The following ACTR3 variants were observed in gnomAD, a reference collection of about 807,000 sequenced individuals.
ACTR3 encodes actin-related protein 3.
A neutral mutation model predicts 56.8 loss-of-function variants in ACTR3; 12 were observed. The ratio of observed to expected loss-of-function variants is 0.21; its 90% CI spans 0.14 to 0.34. The LOEUF (loss-of-function observed/expected upper bound fraction) is 0.34. ACTR3 is among the 10% of genes least tolerant of loss of function. The pLI is 1.00. For missense variants in ACTR3, 282 were observed against 512.5 expected (o/e 0.55, Z 4.34); for synonymous variants, 162 against 167.4 (o/e 0.97, Z 0.25).
At chr2:113,892,930 A>T (rs781686788) in intron 1 of ACTR3, among the ~76,000 whole-genome samples, 9 of 152,254 alleles carry the variant, frequency 5.9e-5, no homozygotes, top group Non-Finnish European at 1.3e-4. Flanking sequence ...GGGATCGTCC[A>T]GCAAAACTCA....
At chr2:113,907,348 C>T (rs750391804) in intron 1 of ACTR3, among the ~76,000 whole-genome samples, 1 of 152,144 alleles carries the variant, frequency 6.6e-6, no homozygotes, top group Non-Finnish European at 1.5e-5. Context: ...ATAGCTCCTC[C>T]ATGGCTCAAG....
chr2:113,903,015 CT>C (rs766018087), intron 1 of ACTR3, among the ~76,000 whole-genome samples: 77 of 152,314 alleles, frequency 5.1e-4, no homozygotes, highest in Non-Finnish European at 8.5e-4. Flanking sequence ...TTAAGATCGC[CT>C]TTAGGCAAAT....
At chr2:113,917,412 C>CT (rs958702179) in intron 3 of ACTR3, among the ~76,000 whole-genome samples, 50 of 151,894 alleles carry the variant, frequency 3.3e-4, no homozygotes, top group African/African-American at 1.2e-3. Flanking sequence ...TTCTTTTTCC[C>CT]TTTTTCTTTT....
At chr2:113,897,192 A>T (rs1679022869) in intron 1 of ACTR3, among the ~76,000 whole-genome samples, 1 of 152,198 alleles carries the variant, frequency 6.6e-6, no homozygotes, top group South Asian at 2.1e-4. Flanking sequence ...ATTATTAGAT[A>T]GGAGATAAGG....
chr2:113,925,617 G>A (rs1387485425), intron 3 of ACTR3, among the ~76,000 whole-genome samples: 2 of 152,224 alleles, frequency 1.3e-5, no homozygotes, highest in Non-Finnish European at 2.9e-5. Flanking sequence ...GTGGCTTACA[G>A]TAGGTACACA....
rs544684121 is a variant in ACTR3, at chr2:113,951,728, C to T, written c.960C>T (p.Val320=). Residue 320 remains valine (V), a synonymous_variant, in exon 10 of 12, where the codon GTC becomes GTT. Coordinates refer to ENST00000263238, the MANE Select transcript of ACTR3 (RefSeq NM_005721.5). ...DVRRPLYKNI[V]LSGGSTMFRD... ...TATTTTCTCTCCACTAGAATATTGT[C>T]CTCTCTGGAGGTTCAACCATGTTCA... is the stretch of plus-strand genomic sequence containing the variant. The T allele has an allele frequency of 1.3e-5, 21 of 1,606,944 alleles. No homozygotes were observed. Among genetic ancestry groups the T allele is most frequent in the South Asian group, 2.2e-5 (2 of 90,054 alleles).
chr2:113,932,589 G>A lies in ACTR3; in HGVS notation c.432+1193G>A, dbSNP rs534766440. Among the ~76,000 whole-genome samples the A allele has an allele frequency of 3.3e-5, 5 of 152,130 alleles. No homozygotes were observed. The South Asian group carries it at 1.0e-3, about 32-fold the overall frequency. On this transcript the variant is annotated intron_variant, in intron 5 of 11. Transcript: ENST00000263238. ...TGTTCTGTTTTGTTGATGTTCAGTA[G>A]TCAATAACATTTCTGTAACATGATG...
intron 1 of ACTR3, among the ~76,000 whole-genome samples, chr2:113,892,875 G>C (rs1037829218): frequency 6.6e-6 from 1 of 152,152 alleles, no homozygotes; most frequent in Non-Finnish European, 1.5e-5. Flanking sequence ...AGATAGGAAA[G>C]CTGTTAAGAG....
intron 1 of ACTR3, 72 bp from the exon 2 acceptor site, chr2:113,913,100 T>G: frequency 1.9e-6 from 2 of 1,049,288 alleles, no homozygotes; most frequent in Non-Finnish European, 1.4e-6. Flanking sequence ...TCATAACAAA[T>G]GAAATTCTAA....
chr2:113,911,883 C>T (rs1012722466), intron 1 of ACTR3, among the ~76,000 whole-genome samples: 13 of 151,534 alleles, frequency 8.6e-5, no homozygotes, highest in Admixed American at 8.5e-4. Context: ...ATTACAGGTG[C>T]CCACCACCAT....
chr2:113,944,584 TAAAAA>T (rs34378884), intron 8 of ACTR3, among the ~76,000 whole-genome samples: 1 of 57,992 alleles, frequency 1.7e-5, no homozygotes, highest in Non-Finnish European at 3.0e-5. Flanking sequence ...CCGTCTCTAC[TAAAAA>T]AAAAAAAAAA....
chr2:113,929,930 C>T (rs1410136115), intron 4 of ACTR3, among the ~76,000 whole-genome samples: 4 of 152,234 alleles, frequency 2.6e-5, no homozygotes, highest in Middle Eastern at 3.4e-3. Context: ...CTGCCCACCT[C>T]GGCCTCCCAA....
At position 113,959,369 on chromosome 2, in the gene ACTR3, A is replaced by C. The variant is rs544684201; in HGVS notation, c.*1914A>C. 1 of 152,098 alleles carries C rather than the reference A, an allele frequency of 6.6e-6. No individual in the cohort carries two copies. Among genetic ancestry groups the C allele is most frequent in the East Asian group, 1.9e-4 (1 of 5,184 alleles). 9.4% of individuals were successfully genotyped at this position (152,098 alleles called of 1,614,324 possible). A position where few individuals can be genotyped will look rare whatever the true frequency, so the allele number is the denominator to read the frequency against. On this transcript the variant is annotated 3_prime_UTR_variant, in exon 12 of 12. Coordinates refer to ENST00000263238, the MANE Select transcript of ACTR3 (RefSeq NM_005721.5). ...AAGATGTCATGCTCCTGGCCCAATAAAATATTGTTAGCATTGTCATAAATA... is the reference window on the plus strand; with the variant it reads ...AAGATGTCATGCTCCTGGCCCAATACAATATTGTTAGCATTGTCATAAATA...
At chr2:113,905,859 T>C (rs1679182660) in intron 1 of ACTR3, among the ~76,000 whole-genome samples, 1 of 152,108 alleles carries the variant, frequency 6.6e-6, no homozygotes, top group Non-Finnish European at 1.5e-5. Flanking sequence ...TAATATTCCA[T>C]TGGAAGTATA....
intron 3 of ACTR3, among the ~76,000 whole-genome samples, chr2:113,923,341 TG>T (rs374356188): frequency 0.45 from 68,508 of 151,182 alleles, 19,301 homozygotes; most frequent in Middle Eastern, 0.66. Context: ...TTTGTTTGTT[TG>T]TTTGTTTGTT....
At position 113,957,817 on chromosome 2, in the gene ACTR3, G is replaced by A. The variant is rs1028912873; in HGVS notation, c.*362G>A. ...AATTGTACACTTCTAAGTGTGCAGT[G>A]CAAGAGCTTGTTTATATTTCATACT... is the stretch of plus-strand genomic sequence containing the variant. On this transcript the variant is annotated 3_prime_UTR_variant, in exon 12 of 12. Transcript: ENST00000263238. 1 of 166,676 alleles carries A rather than the reference G, an allele frequency of 6.0e-6. No individual in the cohort carries two copies. Among genetic ancestry groups the A allele is most frequent in the South Asian group, 1.9e-4 (1 of 5,210 alleles). 10.3% of individuals were successfully genotyped at this position (166,676 alleles called of 1,614,324 possible).
intron 10 of ACTR3, chr2:113,954,222 A>G (rs867716703): frequency 6.6e-6 from 1 of 152,136 alleles, no homozygotes; most frequent in African/African-American, 2.4e-5. Flanking sequence ...AGGTTTTTTC[A>G]CTATAAAGTT....
At chr2:113,955,812 A>G in intron 11 of ACTR3, 106 bp downstream of exon 11, 1 of 836,620 alleles carries the variant, frequency 1.2e-6, no homozygotes, top group Non-Finnish European at 1.8e-6. Context: ...CAATGGCATG[A>G]TCTTGGCTCA....
intron 1 of ACTR3, among the ~76,000 whole-genome samples, chr2:113,912,266 A>G (rs1405257033): frequency 6.6e-6 from 1 of 152,008 alleles, no homozygotes; most frequent in Non-Finnish European, 1.5e-5. Flanking sequence ...CCTGTCTGCT[A>G]TTTATCAGTG....
Sources: gnomAD v4.1 joint callset for allele counts (sites outside exome capture counted in the v4.1 genomes callset) on GRCh38, gnomAD v4.1.1 for gene constraint, MANE v1.5 for transcripts, NCBI Gene and HGNC (gene_info 2026-07-23, HGNC 2026-07-21) for gene names.